The following ZC3H7A variants were observed in gnomAD, a reference collection of about 807,000 sequenced individuals.
ZC3H7A encodes the protein zinc finger CCCH domain-containing protein 7A.
Under a neutral mutation model 125.5 loss-of-function variants are expected in ZC3H7A, and 44 were observed. The ratio of observed to expected loss-of-function variants is 0.35; its 90% CI spans 0.28 to 0.45. ZC3H7A has a LOEUF of 0.45. ZC3H7A is among the 20% of genes least tolerant of loss of function. The pLI, the probability that ZC3H7A is intolerant of heterozygous loss-of-function variation, is 1.00. For missense variants in ZC3H7A, 977 were observed against 1,170.7 expected (o/e 0.83, Z 2.41); for synonymous variants, 399 against 391.2 (o/e 1.02, Z -0.23).
chr16:11,771,036 T>A (rs752196357), intron 9 of ZC3H7A, 49 bp from the exon 10 acceptor site: 97 of 1,544,528 alleles, frequency 6.3e-5, no homozygotes, highest in Non-Finnish European at 7.9e-5. Context: ...CTGTCATGGG[T>A]TTGGCTGAAC....
In ZC3H7A at chr16:11,763,636, T is replaced by C; in HGVS notation, c.1844A>G (p.Glu615Gly). Reference protein sequence around the residue: ...DNKCLVHILRETTVKYSKIRS... With the variant: ...DNKCLVHILRGTTVKYSKIRS... ...TATTTTGGAGTATTTTACTGTTGTC[T>C]CTCGCAAAATGTGGACAAGGCACCT... Residue 615 changes from glutamate (E) to glycine (G), a missense_variant, in exon 16 of 23, where the codon GAG becomes GGG. Glu to Gly is a moderately conservative substitution (Grantham distance 98). Transcript: ENST00000355758. The C allele has an allele frequency of 6.3e-7, 1 of 1,586,136 alleles. No individual in the cohort carries two copies. The highest frequency in any genetic ancestry group is 8.6e-7 in the Non-Finnish European group (1 of 1,164,144).
intron 1 of ZC3H7A, among the ~76,000 whole-genome samples, chr16:11,785,440 G>C (rs1463261845): frequency 1.3e-5 from 2 of 151,230 alleles, no homozygotes; most frequent in East Asian, 2.0e-4. Flanking sequence ...CATGAGGTCA[G>C]GGCTGTAGTG....
Position 11,781,406 on chromosome 16 carries a change from A to T in ZC3H7A, c.108+19T>A. ...AGCCACTTGCAGAGCTTTCAAGCAGACCTTCCCGGAGTCATTACCGCATAT... is the reference window on the plus strand; with the variant it reads ...AGCCACTTGCAGAGCTTTCAAGCAGTCCTTCCCGGAGTCATTACCGCATAT... On this transcript the variant is annotated intron_variant, in intron 3 of 22. Coordinates refer to ENST00000355758, the MANE Select transcript of ZC3H7A (RefSeq NM_014153.4). 1 of 1,595,270 alleles carries T rather than the reference A, an allele frequency of 6.3e-7. No individual in the cohort carries two copies. The highest frequency in any genetic ancestry group is 2.2e-5 in the East Asian group (1 of 44,690).
chr16:11,761,639 C>T (rs1308351964), intron 18 of ZC3H7A, 128 bp from the exon 19 acceptor site: 5 of 953,696 alleles, frequency 5.2e-6, no homozygotes, highest in Non-Finnish European at 7.8e-6. Context: ...AAAGAAATAC[C>T]TTATGATTCT....
chr16:11,762,686 A>C lies in ZC3H7A; in HGVS notation c.2064T>G (p.Asn688Lys), dbSNP rs147765341. 6.2e-7 allele frequency: 1 copy of C among 1,614,068 alleles called. No homozygotes were observed. The highest frequency in any genetic ancestry group is 1.1e-5 in the South Asian group (1 of 91,078). Reference protein sequence around the residue: ...SKRYWQNLEANVPGAQVLGNQ... With the variant: ...SKRYWQNLEAKVPGAQVLGNQ... ...AGAAAAATACCTGCGCTCCAGGTAC[A>C]TTTGCTTCCAAATTCTGCCAATATC... The change falls in exon 17 of 23, where the codon AAT (asparagine) becomes AAG (lysine). Residue 688 changes from asparagine to lysine, a missense_variant. By Grantham distance (94) the Asn-to-Lys change is moderately conservative. Coordinates refer to ENST00000355758, the MANE Select transcript of ZC3H7A (RefSeq NM_014153.4).
At chr16:11,775,066 A>T in intron 7 of ZC3H7A, 53 bp from the exon 8 acceptor site, 3 of 1,599,104 alleles carry the variant, frequency 1.9e-6, no homozygotes, top group Non-Finnish European at 2.6e-6. Context: ...TCTAAGCCAT[A>T]AAACAATCAG....
At chr16:11,790,062 A>G (rs2053324171) in intron 1 of ZC3H7A, among the ~76,000 whole-genome samples, 1 of 144,092 alleles carries the variant, frequency 6.9e-6, no homozygotes. Flanking sequence ...CCTGAACCAC[A>G]GAGTGAGACT....
intron 13 of ZC3H7A, among the ~76,000 whole-genome samples, chr16:11,767,102 T>C (rs562833825): frequency 1.3e-5 from 2 of 152,338 alleles, no homozygotes; most frequent in South Asian, 4.1e-4. Context: ...ACTGCATATA[T>C]AATGGTGGTC....
Position 11,765,565 on chromosome 16 carries a change from C to T in ZC3H7A, c.1643G>A (p.Gly548Asp), listed in dbSNP as rs905290819. 3 of 1,614,044 alleles carry T rather than the reference C, an allele frequency of 1.9e-6. No homozygotes were observed. The highest frequency in any genetic ancestry group is 1.1e-5 in the South Asian group (1 of 91,084). ...AGTAAGGTTAATCTTTCCATTGCCG[C>T]CAAAGAAAGCCTCCCGGCTGAATGC... ...KGAFSREAFF[G>D]GNGKINLTVF... The change falls in exon 14 of 23, where the codon GGC (glycine) becomes GAC (aspartate). Residue 548 changes from glycine (G) to aspartate (D), a missense_variant. Transcript: ENST00000355758. The surrounding 1 kb of genome is among the most constrained non-coding windows in gnomAD (Gnocchi z 4.8).
rs565237258 is a variant in ZC3H7A, at chr16:11,766,000, C to T, written c.1523-315G>A. On this transcript the variant is annotated intron_variant, in intron 13 of 22. Coordinates refer to ENST00000355758, the MANE Select transcript of ZC3H7A (RefSeq NM_014153.4). This position sits in a 1 kb window ranked among gnomAD's most constrained non-coding sequence, Gnocchi z 4.8. ...ATATGCATATTATCTGGGGATGGAT[C>T]GTATCAACTCTAAAAAAGAGAAGTA... Among the ~76,000 whole-genome samples, 83 of 152,014 alleles carry T rather than the reference C, an allele frequency of 5.5e-4. 1 individual carries two copies. The highest frequency in any genetic ancestry group is 1.9e-3 in the African/African-American group (78 of 41,448).
intron 3 of ZC3H7A, among the ~76,000 whole-genome samples, chr16:11,780,282 G>C: frequency 6.6e-6 from 1 of 151,612 alleles, no homozygotes; most frequent in Non-Finnish European, 1.5e-5. Context: ...CACCACACTC[G>C]GCTAATTTTT....
chr16:11,767,499 C>A lies in ZC3H7A; in HGVS notation c.1440G>T (p.Lys480Asn). ...TTTTCCATGATTTATCTTCAACATT[C>A]TTTATCCTACCGATTAAAATATCTT... The part of the protein sequence containing the change: ...CKKDILIGRI[K>N]NVEDKSWKKI... Residue 480 changes from lysine to asparagine, a missense_variant, in exon 13 of 23, where the codon AAG (lysine) becomes AAT (asparagine). Around this residue, in one of 3 missense-constraint regions of ZC3H7A, gnomAD observed 342 missense variants for 311.3 expected, o/e 1.10. Transcript: ENST00000355758. 6.2e-7 allele frequency: 1 copy of A among 1,612,106 alleles called. No individual in the cohort carries two copies. Among genetic ancestry groups the A allele is most frequent in the South Asian group, 1.1e-5 (1 of 90,832 alleles).
intron 1 of ZC3H7A, among the ~76,000 whole-genome samples, chr16:11,789,492 G>A (rs2053315289): frequency 1.3e-5 from 2 of 152,122 alleles, no homozygotes; most frequent in South Asian, 2.1e-4. Flanking sequence ...GACCTCAGGT[G>A]ATCGGCCTGC....
chr16:11,758,869 TC>T lies in ZC3H7A; in HGVS notation c.2320-331del. 4 of 260,638 alleles carry T rather than the reference TC, an allele frequency of 1.5e-5. No individual in the cohort carries two copies. The South Asian group carries it at 1.7e-4, about 11-fold the overall frequency. The allele number at this position is 260,638 out of a possible 1,614,324, so 16.1% of individuals were successfully genotyped here. On this transcript the variant is annotated intron_variant, in intron 19 of 22. Coordinates refer to ENST00000355758, the MANE Select transcript of ZC3H7A (RefSeq NM_014153.4). Reference sequence around the variant, plus strand: ...TCCCTGGCCCTCTCAGTCTGACAGCTCCTGTTTCCCTGCCCAACACTAATGA... The same window carrying T: ...TCCCTGGCCCTCTCAGTCTGACAGCTCTGTTTCCCTGCCCAACACTAATGA...
intron 1 of ZC3H7A, among the ~76,000 whole-genome samples, chr16:11,783,954 C>T (rs1442094508): frequency 6.8e-6 from 1 of 147,790 alleles, no homozygotes; most frequent in Non-Finnish European, 1.5e-5. Flanking sequence ...AGGGGACTTG[C>T]TTTAAAATAC....
Position 11,756,284 on chromosome 16 carries a change from C to G in ZC3H7A, c.2515G>C (p.Glu839Gln), listed in dbSNP as rs1349438671. 1 of 1,614,070 alleles carries G rather than the reference C, an allele frequency of 6.2e-7. No individual in the cohort carries two copies. The highest frequency in any genetic ancestry group is 1.7e-5 in the Admixed American group (1 of 60,000). ...GGCATGTGAATTTGTTTTCCATTTT[C>G]CTTGTTTGACTGACTGGCTATGTCT... ...SEDIASQSNK[E>Q]NGKQIHMPTD... The change falls in exon 21 of 23, where the codon GAA becomes CAA. Residue 839 changes from glutamate (E) to glutamine (Q), a missense_variant. Glu to Gln is a conservative substitution (Grantham distance 29). Around this residue, in one of 3 missense-constraint regions of ZC3H7A, gnomAD observed 436 missense variants for 603.2 expected, o/e 0.72. Coordinates refer to ENST00000355758, the MANE Select transcript of ZC3H7A (RefSeq NM_014153.4).
chr16:11,797,058 G>GT (rs2053452081), intron 1 of ZC3H7A, 66 bp downstream of exon 1: 3 of 133,744 alleles, frequency 2.2e-5, no homozygotes, highest in African/African-American at 8.1e-5. Context: ...GGCGGCGCGC[G>GT]CGGGGGGGGC....
intron 1 of ZC3H7A, among the ~76,000 whole-genome samples, chr16:11,783,362 C>A (rs1382273780): frequency 6.6e-6 from 1 of 152,148 alleles, no homozygotes; most frequent in Admixed American, 6.5e-5. Context: ...TCAACGTTCA[C>A]CGAGCAGTTC....
At chr16:11,787,711 C>T (rs1033429373) in intron 1 of ZC3H7A, among the ~76,000 whole-genome samples, 2 of 151,978 alleles carry the variant, frequency 1.3e-5, no homozygotes, top group Admixed American at 6.6e-5. Flanking sequence ...TTTGGGAGGC[C>T]GAGGCGGGCA....
Sources: allele counts gnomAD v4.1 joint callset (sites outside exome capture counted in the v4.1 genomes callset), GRCh38; gene constraint gnomAD v4.1.1; regional missense constraint gnomAD v4.1.1; non-coding constraint Gnocchi (gnomAD v3.1); transcripts MANE v1.5; gene names NCBI Gene and HGNC (gene_info 2026-07-23, HGNC 2026-07-21).